MDM1: variants seen among roughly 807,000 people sequenced by gnomAD.
MDM1 encodes Mdm1 nuclear protein.
A neutral mutation model predicts 89.1 loss-of-function variants in MDM1; 61 were observed. That is an observed-to-expected ratio of 0.68 (90% CI 0.56 to 0.85). The LOEUF (loss-of-function observed/expected upper bound fraction) is 0.85, where lower values mean the gene tolerates loss of function less well. Ranked by LOEUF, MDM1 falls within the 40% of genes least tolerant of loss-of-function variation. MDM1 has a pLI of 0.00. For synonymous variants in MDM1, 290 were observed against 294.1 expected (o/e 0.99, Z 0.14); for missense variants, 820 against 846.5 (o/e 0.97, Z 0.39).
At chr12:68,296,866 C>A in intron 14 of MDM1, 57 bp downstream of exon 14, 1 of 1,170,368 alleles carries the variant, frequency 8.5e-7, no homozygotes, top group Non-Finnish European at 1.2e-6. Context: ...AATGTAAAGC[C>A]ATTATACTCT....
rs750866814 is a variant in MDM1 at position 68,327,014 on chromosome 12, C to T, written c.141G>A (p.Thr47=). The change falls in exon 3 of 15, where the codon ACG becomes ACA. Residue 47 remains threonine (T), a synonymous_variant. Coordinates refer to ENST00000682720, the MANE Select transcript of MDM1 (RefSeq NM_001354969.2). ...TTTTTGAAATAAAACTTGGCTCTTT[C>T]GTGATGCCTACAAAACACGGTATAC... ...AGLRSDQLGI[T]KEPSFISKRR... The T allele has an allele frequency of 2.2e-5, 35 of 1,590,154 alleles. No individual in the cohort carries two copies. The highest frequency in any genetic ancestry group is 6.7e-5 in the East Asian group (3 of 44,704).
intron 8 of MDM1, 98 bp from the exon 9 acceptor site, chr12:68,316,351 G>A (rs1874503788): frequency 4.4e-6 from 6 of 1,352,984 alleles, no homozygotes; most frequent in Non-Finnish European, 4.0e-6. Context: ...TACAGCCAGG[G>A]ACCAAAGACA....
chr12:68,306,370 G>A (rs550508359), intron 12 of MDM1, among the ~76,000 whole-genome samples: 1 of 152,244 alleles, frequency 6.6e-6, no homozygotes, highest in African/African-American at 2.4e-5. Context: ...AGGAATTTAT[G>A]ACTAAGTACT....
chr12:68,326,332 T>C (rs1440134890), intron 3 of MDM1: 1 of 1,381,756 alleles, frequency 7.2e-7, no homozygotes, highest in East Asian at 2.6e-5. Context: ...CTGCCAGAAG[T>C]AAGGGCCTAC....
At chr12:68,307,597 C>T (rs1184977833) in intron 12 of MDM1, among the ~76,000 whole-genome samples, 2 of 152,174 alleles carry the variant, frequency 1.3e-5, no homozygotes, top group African/African-American at 4.8e-5. Flanking sequence ...GCCGTGATTG[C>T]ACCAATGCAC....
At chr12:68,299,888 G>C (rs886593274) in intron 13 of MDM1, among the ~76,000 whole-genome samples, 1 of 152,106 alleles carries the variant, frequency 6.6e-6, no homozygotes, top group Non-Finnish European at 1.5e-5. Context: ...TAGTCATCAG[G>C]TTATCTAAAG....
chr12:68,332,166 TC>T, intron 1 of MDM1, 61 bp downstream of exon 1: 1 of 1,503,372 alleles, frequency 6.7e-7, no homozygotes, highest in Non-Finnish European at 8.9e-7. Context: ...ACCTCGGCGC[TC>T]CACACCTCCC....
chr12:68,296,260 G>A (rs1234950792), intron 14 of MDM1, among the ~76,000 whole-genome samples: 1 of 152,246 alleles, frequency 6.6e-6, no homozygotes, highest in Non-Finnish European at 1.5e-5. Context: ...AGCACTTTGG[G>A]AGGCCAAGGT....
At position 68,326,739 on chromosome 12, in the gene MDM1, C is replaced by A. The variant is rs147172091; in HGVS notation, c.416G>T (p.Gly139Val). ...ATTAACTGGTGTATGGTTTGTTACA[C>A]CCTCATTATTTTCCACATCTGAAGC... ...EGASDVENNE[G>V]VTNHTPVNEN... The change falls in exon 3 of 15, where the codon GGT becomes GTT. Residue 139 changes from glycine (G) to valine (V), a missense_variant. Gly to Val is a moderately radical substitution (Grantham distance 109). Coordinates refer to ENST00000682720, the MANE Select transcript of MDM1 (RefSeq NM_001354969.2). The A allele has an allele frequency of 1.5e-5, 24 of 1,614,100 alleles. No individual in the cohort carries two copies. The highest frequency in any genetic ancestry group is 1.9e-5 in the Non-Finnish European group (23 of 1,180,006).
intron 4 of MDM1, among the ~76,000 whole-genome samples, chr12:68,324,626 T>C (rs1257255132): frequency 2.6e-5 from 4 of 152,166 alleles, no homozygotes; most frequent in East Asian, 1.9e-4. Flanking sequence ...CAAGTGAATG[T>C]TGACGTACAG....
At chr12:68,315,827 C>T (rs11177161) in intron 9 of MDM1, among the ~76,000 whole-genome samples, 6,908 of 152,100 alleles carry the variant, frequency 0.045, 490 homozygotes, top group African/African-American at 0.15. Context: ...ATCCCTACTC[C>T]GCTATTAACT....
intron 14 of MDM1, among the ~76,000 whole-genome samples, chr12:68,296,233 C>T (rs1207948762): frequency 6.6e-6 from 1 of 152,252 alleles, no homozygotes; most frequent in Non-Finnish European, 1.5e-5. Flanking sequence ...GGCATGGTGG[C>T]TCACGCCTGT....
chr12:68,307,859 G>A (rs1331150121), intron 12 of MDM1, among the ~76,000 whole-genome samples: 4 of 149,712 alleles, frequency 2.7e-5, no homozygotes, highest in East Asian at 4.0e-4. Context: ...AACTGCTTGA[G>A]CCTGGAAGGC....
At position 68,328,734 on chromosome 12, in the gene MDM1, T is replaced by C. The variant is rs114293760; in HGVS notation, c.134-1713A>G. Among the ~76,000 whole-genome samples the C allele has an allele frequency of 6.3e-3, 958 of 152,274 alleles. 6 individuals carry two copies. The highest frequency in any genetic ancestry group is 0.022 in the African/African-American group (896 of 41,550). Reference sequence around the variant, plus strand: ...CACAAAATGAAAGAAGATTCTCAAGTGGTCTGCCGCTGTCTCCCAGCACCA... The same window carrying C: ...CACAAAATGAAAGAAGATTCTCAAGCGGTCTGCCGCTGTCTCCCAGCACCA... On this transcript the variant is annotated intron_variant, in intron 2 of 14. Coordinates refer to ENST00000682720, the MANE Select transcript of MDM1 (RefSeq NM_001354969.2).
intron 12 of MDM1, among the ~76,000 whole-genome samples, chr12:68,310,228 C>T (rs143285934): frequency 2.6e-3 from 396 of 152,294 alleles, no homozygotes; most frequent in Middle Eastern, 6.8e-3. Context: ...ACCTTGGCCT[C>T]CCAAAGTGCT....
At chr12:68,317,948 T>C (rs1874715342) in intron 7 of MDM1, among the ~76,000 whole-genome samples, 1 of 152,198 alleles carries the variant, frequency 6.6e-6, no homozygotes, top group Non-Finnish European at 1.5e-5. Context: ...ACATCCCCAT[T>C]AATACATATT....
intron 13 of MDM1, 55 bp downstream of exon 13, chr12:68,302,565 C>T (rs1872314255): frequency 4.2e-6 from 6 of 1,423,628 alleles, no homozygotes; most frequent in Non-Finnish European, 5.8e-6. Context: ...GACTTTGTAC[C>T]TATCAGCATA....
At chr12:68,320,477 A>G (rs188926131) in intron 7 of MDM1, among the ~76,000 whole-genome samples, 63 of 152,302 alleles carry the variant, frequency 4.1e-4, no homozygotes, top group African/African-American at 1.1e-3. Flanking sequence ...TCGCCAGGAC[A>G]TATGTCTGGG....
chr12:68,322,444 C>A (rs1432751296), intron 5 of MDM1, among the ~76,000 whole-genome samples: 1 of 152,024 alleles, frequency 6.6e-6, no homozygotes, highest in Non-Finnish European at 1.5e-5. Flanking sequence ...ACCAGCCTGG[C>A]CAACACAGTG....
Sources: gnomAD v4.1 joint callset for allele counts (sites outside exome capture counted in the v4.1 genomes callset) on GRCh38, gnomAD v4.1.1 for gene constraint, MANE v1.5 for transcripts, NCBI Gene and HGNC (gene_info 2026-07-23, HGNC 2026-07-21) for gene names.